Variants in CLSTN2 observed in about 807,000 individuals in gnomAD.
CLSTN2 encodes calsyntenin 2, also known as calsyntenin-2.
Under a neutral mutation model 101.2 loss-of-function variants are expected in CLSTN2, and 48 were observed. The ratio of observed to expected loss-of-function variants is 0.47; its 90% CI spans 0.38 to 0.60. CLSTN2 has a LOEUF of 0.60. CLSTN2 is among the 20% of genes least tolerant of loss of function. CLSTN2 has a pLI of 0.00. For synonymous variants in CLSTN2, 481 were observed against 463.6 expected (o/e 1.04, Z -0.48); for missense variants, 1,160 against 1,238.2 (o/e 0.94, Z 0.95).
At chr3:140,117,581 G>A (rs2009266898) in intron 1 of CLSTN2, among the ~76,000 whole-genome samples, 1 of 152,298 alleles carries the variant, frequency 6.6e-6, no homozygotes, top group South Asian at 2.1e-4. Context: ...GGGTAGGAGA[G>A]GGGAAGCAGA....
chr3:140,540,940 TTG>T (rs1173126483), intron 9 of CLSTN2, among the ~76,000 whole-genome samples: 2 of 152,242 alleles, frequency 1.3e-5, no homozygotes, highest in East Asian at 1.9e-4. Flanking sequence ...CTGCATTAAA[TTG>T]TGTTTGCTAA....
At chr3:140,445,065 C>T (rs776068187) in intron 5 of CLSTN2, among the ~76,000 whole-genome samples, 4 of 152,186 alleles carry the variant, frequency 2.6e-5, no homozygotes, top group Non-Finnish European at 5.9e-5. Context: ...TGCAATTTTG[C>T]CTGCTCCTCA....
At chr3:139,992,548 G>C (rs2107828818) in intron 1 of CLSTN2, among the ~76,000 whole-genome samples, 1 of 152,286 alleles carries the variant, frequency 6.6e-6, no homozygotes, top group East Asian at 1.9e-4. Flanking sequence ...CAGAGCCTCA[G>C]CCATTTGTTC....
chr3:140,410,824 T>A (rs1046124938), intron 4 of CLSTN2, among the ~76,000 whole-genome samples: 1 of 152,154 alleles, frequency 6.6e-6, no homozygotes, highest in Non-Finnish European at 1.5e-5. Context: ...AGTGCAAAGC[T>A]TTTATGTGCA....
intron 8 of CLSTN2, among the ~76,000 whole-genome samples, chr3:140,524,780 TCAATACCAAGATCTCTCAAAA>T (rs1283356019): frequency 6.6e-6 from 1 of 152,044 alleles, no homozygotes; most frequent in African/African-American, 2.4e-5. Flanking sequence ...AAAATAGAAA[TCAATACCAAGATCTCTCAAAA>T]CTGCATGAAA....
At chr3:140,204,945 T>G (rs1253554489) in intron 2 of CLSTN2, among the ~76,000 whole-genome samples, 1 of 152,070 alleles carries the variant, frequency 6.6e-6, no homozygotes, top group East Asian at 1.9e-4. Flanking sequence ...CTCATGACAC[T>G]ATTGACTTGC....
At chr3:139,972,878 A>G (rs1358828616) in intron 1 of CLSTN2, among the ~76,000 whole-genome samples, 1 of 152,250 alleles carries the variant, frequency 6.6e-6, no homozygotes, top group Non-Finnish European at 1.5e-5. Flanking sequence ...GAACGAATGA[A>G]TGAATGAATA....
chr3:140,171,928 G>T (rs2010244278), intron 1 of CLSTN2, among the ~76,000 whole-genome samples: 1 of 132,794 alleles, frequency 7.5e-6, no homozygotes, highest in African/African-American at 2.9e-5. Context: ...GTGTGTGTTT[G>T]CACTTCTCAG....
In CLSTN2 at chr3:140,488,638, C is replaced by CTT. The variant is rs66504085; in HGVS notation, c.1344+21932_1344+21933dup. Among the ~76,000 whole-genome samples the CTT allele has an allele frequency of 6.4e-3, 471 of 73,704 alleles. 59 individuals carry two copies. The highest frequency in any genetic ancestry group is 0.05 in the Middle Eastern group (4 of 80). 48.4% of individuals were successfully genotyped at this position (73,704 alleles called of 152,430 possible). A position where few individuals can be genotyped will look rare whatever the true frequency, so the allele number is the denominator to read the frequency against. The stretch of plus-strand genomic sequence containing the variant: ...TGCTGTGGAATGCATTTAATACGTG[C>CTT]TTTTTTTTTTTTTTTTTTTTTTTTT... On this transcript the variant is annotated intron_variant, in intron 8 of 16. Coordinates refer to ENST00000458420, the MANE Select transcript of CLSTN2 (RefSeq NM_022131.3).
At chr3:140,553,402 A>G (rs1164652504) in intron 10 of CLSTN2, among the ~76,000 whole-genome samples, 1 of 152,244 alleles carries the variant, frequency 6.6e-6, no homozygotes, top group African/African-American at 2.4e-5. Flanking sequence ...AATGAAGTCT[A>G]AGAGGGAAAA....
intron 2 of CLSTN2, among the ~76,000 whole-genome samples, chr3:140,389,380 C>T (rs1251923501): frequency 6.6e-6 from 1 of 152,202 alleles, no homozygotes; most frequent in Admixed American, 6.5e-5. Flanking sequence ...TAAGTGAGAA[C>T]ATATGGTGTT....
At chr3:140,013,824 G>C (rs1236352853) in intron 1 of CLSTN2, among the ~76,000 whole-genome samples, 4 of 152,142 alleles carry the variant, frequency 2.6e-5, no homozygotes, top group Admixed American at 2.6e-4. Flanking sequence ...GGTGGGGGCA[G>C]CCTCCACCTC....
intron 1 of CLSTN2, among the ~76,000 whole-genome samples, chr3:139,950,079 C>A (rs901841279): frequency 6.6e-6 from 1 of 152,136 alleles, no homozygotes; most frequent in East Asian, 1.9e-4. Flanking sequence ...AGGGGCCAAC[C>A]TTTGGCTGTG....
intron 2 of CLSTN2, among the ~76,000 whole-genome samples, chr3:140,221,272 TA>T (rs952698294): frequency 1.2e-4 from 19 of 152,206 alleles, no homozygotes; most frequent in African/African-American, 4.3e-4. Context: ...ACTCATTTGG[TA>T]AAAAAATTAT....
intron 1 of CLSTN2, among the ~76,000 whole-genome samples, chr3:140,000,000 A>T (rs941448978): frequency 6.9e-6 from 1 of 143,888 alleles, no homozygotes; most frequent in Non-Finnish European, 1.5e-5. Context: ...TAAGTTAAAG[A>T]TCCTCCCTCC....
chr3:140,562,323 AG>A lies in CLSTN2; in HGVS notation c.2212+16del, dbSNP rs747268135. 1.9e-6 allele frequency: 3 copies of A among 1,606,986 alleles called. No individual in the cohort carries two copies. The highest frequency in any genetic ancestry group is 2.7e-5 in the African/African-American group (2 of 74,850). ...CTCCATCTACGGTAAGGCCACACTCAGCCCCCTTTGCCCCAAGGGTGTCCTC... is the reference window on the plus strand; with the variant it reads ...CTCCATCTACGGTAAGGCCACACTCACCCCCTTTGCCCCAAGGGTGTCCTC... On this transcript the variant is annotated intron_variant, in intron 13 of 16. Coordinates refer to ENST00000458420, the MANE Select transcript of CLSTN2 (RefSeq NM_022131.3).
intron 6 of CLSTN2, among the ~76,000 whole-genome samples, chr3:140,451,542 A>T (rs112168712): frequency 1.6e-3 from 240 of 152,246 alleles, no homozygotes; most frequent in African/African-American, 5.7e-3. Context: ...TCCTGCCTCT[A>T]CATTAGAAGC....
chr3:140,449,381 C>A (rs1008315847), intron 6 of CLSTN2: 3 of 152,178 alleles, frequency 2.0e-5, no homozygotes, highest in African/African-American at 7.2e-5. Context: ...TCAAGCAGTG[C>A]AGGCTTTATT....
intron 1 of CLSTN2, among the ~76,000 whole-genome samples, chr3:139,981,921 C>A (rs1385707589): frequency 2.0e-5 from 3 of 151,960 alleles, no homozygotes; most frequent in Non-Finnish European, 4.4e-5. Flanking sequence ...CCCACCCTGA[C>A]CCCTCCCTCT....
Sources: allele counts gnomAD v4.1 joint callset (sites outside exome capture counted in the v4.1 genomes callset), GRCh38; gene constraint gnomAD v4.1.1; transcripts MANE v1.5; gene names NCBI Gene and HGNC (gene_info 2026-07-23, HGNC 2026-07-21).